The following CSMD1 variants were observed in gnomAD, a reference collection of about 807,000 sequenced individuals.
CSMD1 encodes the protein CUB and Sushi multiple domains 1, also known as CUB and sushi domain-containing protein 1.
In CSMD1, 213 loss-of-function variants were observed where a neutral mutation model predicts 417.5. The observed-to-expected ratio is 0.51, with a 90% CI of 0.46 to 0.57. The LOEUF (loss-of-function observed/expected upper bound fraction) is 0.57. Among genes scored for constraint, CSMD1 ranks in the 20% least tolerant of loss-of-function variants. CSMD1 has a pLI of 0.00. For missense variants in CSMD1, 6,923 were observed against 4,529.7 expected (o/e 1.53, Z -15.17); for synonymous variants, 2,862 against 1,736.8 (o/e 1.65, Z -16.11).
At chr8:4,778,371 CTTGA>C (rs774209925) in intron 1 of CSMD1, among the ~76,000 whole-genome samples, 6 of 152,096 alleles carry the variant, frequency 3.9e-5, no homozygotes, top group Non-Finnish European at 7.4e-5. Context: ...TTCCACAAAA[CTTGA>C]TTTTCTTCTC....
chr8:3,233,734 A>C (rs1650670286), intron 26 of CSMD1, among the ~76,000 whole-genome samples: 2 of 152,130 alleles, frequency 1.3e-5, no homozygotes, highest in Non-Finnish European at 2.9e-5. Context: ...GTAAGTTTTC[A>C]CATTTGTACT....
chr8:4,511,388 G>T lies in CSMD1; in HGVS notation c.303-91323C>A, dbSNP rs150520477. Among the ~76,000 whole-genome samples, 3 of 152,266 alleles carry T rather than the reference G, an allele frequency of 2.0e-5. No individual in the cohort carries two copies. The East Asian group carries it at 5.8e-4, about 29-fold the overall frequency. On this transcript the variant is annotated intron_variant, in intron 2 of 69. Coordinates refer to ENST00000635120, the MANE Select transcript of CSMD1 (RefSeq NM_033225.6). ...TCCTTCGCAGGAGAATACAAATCAG[G>T]ATTCTTTGCAAACTTGCTGGTTTCT...
intron 5 of CSMD1, among the ~76,000 whole-genome samples, chr8:3,925,856 C>G (rs1261027658): frequency 6.6e-6 from 1 of 151,854 alleles, no homozygotes; most frequent in African/African-American, 2.4e-5. Context: ...ATTTGGGGAC[C>G]TTTATTAATT....
rs1806004015 is a variant in CSMD1 at position 4,680,954 on chromosome 8, G to GTA, written c.86-43397_86-43396insTA. On this transcript the variant is annotated intron_variant, in intron 1 of 69. Coordinates refer to ENST00000635120, the MANE Select transcript of CSMD1 (RefSeq NM_033225.6). ...ACCCCTAATCTATCTATATTGATGT[G>GTA]TGTGTGTGTGTGTGTGTGTGTGAGA... Among the ~76,000 whole-genome samples the GTA allele has an allele frequency of 3.3e-5, 3 of 91,660 alleles. No individual in the cohort carries two copies. The South Asian group carries it at 9.9e-4, about 30-fold the overall frequency. 60.1% of individuals were successfully genotyped at this position (91,660 alleles called of 152,430 possible).
chr8:4,928,991 A>T (rs1807059282), intron 1 of CSMD1, among the ~76,000 whole-genome samples: 1 of 152,128 alleles, frequency 6.6e-6, no homozygotes. Flanking sequence ...GAGTCACTTG[A>T]ACCCGGGCGG....
At chr8:3,253,013 G>C (rs572774590) in intron 26 of CSMD1, among the ~76,000 whole-genome samples, 4 of 152,088 alleles carry the variant, frequency 2.6e-5, no homozygotes, top group Admixed American at 2.6e-4. Flanking sequence ...CAAAAAACCA[G>C]CTCCTGGATT....
In CSMD1 at chr8:4,441,095, G is replaced by GTTTTTTTTTTTTTGTTTTTT. The variant is rs1798445297; in HGVS notation, c.303-21031_303-21030insAAAAAACAAAAAAAAAAAAA. Among the ~76,000 whole-genome samples the GTTTTTTTTTTTTTGTTTTTT allele has an allele frequency of 1.2e-4, 6 of 51,296 alleles. 1 individual carries two copies. The highest frequency in any genetic ancestry group is 2.2e-4 in the Non-Finnish European group (6 of 27,812). The allele number at this position is 51,296 out of a possible 152,430, so 33.7% of individuals were successfully genotyped here. A position where few individuals can be genotyped will look rare whatever the true frequency, so the allele number is the denominator to read the frequency against. ...AATAATTTGACTCGTTAATCAAAAG[G>GTTTTTTTTTTTTTGTTTTTT]TTTTTTTTTTTTTTTTTTTTTTTAA... On this transcript the variant is annotated intron_variant, in intron 2 of 69. Coordinates refer to ENST00000635120, the MANE Select transcript of CSMD1 (RefSeq NM_033225.6).
At chr8:4,049,587 G>T (rs75587283) in intron 3 of CSMD1, among the ~76,000 whole-genome samples, 1 of 151,950 alleles carries the variant, frequency 6.6e-6, no homozygotes, top group Non-Finnish European at 1.5e-5. Context: ...TACCTGCTCT[G>T]TCTTTTTTAT....
intron 2 of CSMD1, among the ~76,000 whole-genome samples, chr8:4,454,361 C>A (rs1034097191): frequency 6.6e-6 from 1 of 152,136 alleles, no homozygotes. Flanking sequence ...TTTCTTCTCC[C>A]AACACATACC....
Position 3,032,724 on chromosome 8 carries a change from C to T in CSMD1, c.7661-3211G>A, listed in dbSNP as rs563911649. On this transcript the variant is annotated intron_variant, in intron 50 of 69. Transcript: ENST00000635120. ...ACACTCTCACAAAGGTGTCTACACT[C>T]AACCCCCCCAACTCCCTATGTTTTC... 3.9e-5 allele frequency among the ~76,000 whole-genome samples: 6 copies of T among 152,134 alleles called. No homozygotes were observed. In the East Asian group the frequency reaches 9.6e-4, roughly 24 times the overall value.
At chr8:3,659,618 G>C (rs1291685672) in intron 7 of CSMD1, among the ~76,000 whole-genome samples, 1 of 152,132 alleles carries the variant, frequency 6.6e-6, no homozygotes, top group Admixed American at 6.5e-5. Flanking sequence ...TTTCCCACTA[G>C]AGGAGAAGGG....
At chr8:4,371,767 A>C (rs868608430) in intron 3 of CSMD1, among the ~76,000 whole-genome samples, 2 of 152,220 alleles carry the variant, frequency 1.3e-5, no homozygotes, top group African/African-American at 2.4e-5. Flanking sequence ...CGGTTACATA[A>C]TAGACAAATA....
intron 1 of CSMD1, among the ~76,000 whole-genome samples, chr8:4,697,856 A>T (rs1807239779): frequency 6.6e-6 from 1 of 152,238 alleles, no homozygotes; most frequent in Non-Finnish European, 1.5e-5. Flanking sequence ...ACTGCTTGAT[A>T]TTTGTAATAT....
chr8:3,741,213 TAAA>T (rs58662516), intron 6 of CSMD1, among the ~76,000 whole-genome samples: 3 of 67,276 alleles, frequency 4.5e-5, no homozygotes, highest in Admixed American at 1.9e-4. Context: ...GACTCCGTCT[TAAA>T]AAAAAAAAAA....
In CSMD1 at chr8:3,029,520, G is replaced by A. The variant is rs1256851955; in HGVS notation, c.7661-7C>T. The A allele has an allele frequency of 3.8e-6, 6 of 1,582,566 alleles. No homozygotes were observed. In the Admixed American group the frequency reaches 1.1e-4, roughly 29 times the overall value. On this transcript the variant is annotated splice_polypyrimidine_tract_variant and splice_region_variant and intron_variant, in intron 50 of 69. Coordinates refer to ENST00000635120, the MANE Select transcript of CSMD1 (RefSeq NM_033225.6). ...ATGCTGGGGCAAGCGACCGCTGGAA[G>A]GGAAACGTACATCACATCATCATTT... is the stretch of plus-strand genomic sequence containing the variant.
At chr8:4,923,989 A>C (rs7845501) in intron 1 of CSMD1, among the ~76,000 whole-genome samples, 3 of 152,156 alleles carry the variant, frequency 2.0e-5, no homozygotes, top group East Asian at 3.9e-4. Context: ...ATAGTTTAAG[A>C]AAGTTTTATA....
At chr8:3,962,323 AG>A (rs1450830390) in intron 5 of CSMD1, among the ~76,000 whole-genome samples, 5 of 89,240 alleles carry the variant, frequency 5.6e-5, no homozygotes, top group Non-Finnish European at 9.8e-5. Flanking sequence ...CAGCAGTGAC[AG>A]ATTATGCAGG....
At chr8:3,051,050 A>G (rs1177963886) in intron 50 of CSMD1, among the ~76,000 whole-genome samples, 2 of 152,242 alleles carry the variant, frequency 1.3e-5, no homozygotes, top group Non-Finnish European at 2.9e-5. Context: ...GATTTCTCAA[A>G]GAACTTAAAA....
At chr8:3,559,856 C>A (rs933182259) in intron 10 of CSMD1, among the ~76,000 whole-genome samples, 10 of 151,884 alleles carry the variant, frequency 6.6e-5, no homozygotes, top group Non-Finnish European at 1.3e-4. Context: ...ACTAAGAGGC[C>A]CCTAGAGTGG....
Sources: allele counts gnomAD v4.1 joint callset (sites outside exome capture counted in the v4.1 genomes callset), GRCh38; gene constraint gnomAD v4.1.1; transcripts MANE v1.5; gene names NCBI Gene and HGNC (gene_info 2026-07-23, HGNC 2026-07-21).